CAST: variants seen among roughly 807,000 people sequenced by gnomAD.
The protein encoded by CAST is MIR583 host.
A neutral mutation model predicts 119.6 loss-of-function variants in CAST; 76 were observed. That is an observed-to-expected ratio of 0.64 (90% CI 0.53 to 0.77). The LOEUF (loss-of-function observed/expected upper bound fraction) is 0.77, where lower values mean the gene tolerates loss of function less well. Ranked by LOEUF, CAST falls within the 30% of genes least tolerant of loss-of-function variation. The pLI, the probability that CAST is intolerant of heterozygous loss-of-function variation, is 0.00. For missense variants in CAST, 953 were observed against 946.5 expected (o/e 1.01, Z -0.09); for synonymous variants, 319 against 331.6 (o/e 0.96, Z 0.41).
At chr5:96,400,320 T>G in the CAST span, 1 of 700,794 alleles carries the variant, frequency 1.4e-6, no homozygotes, top group South Asian at 1.6e-5. Context: ...TATTCTAGTG[T>G]CTATTACTGT....
Position 96,729,016 on chromosome 5 carries a change from G to T in CAST, c.379-137G>T, listed in dbSNP as rs570441836. On this transcript the variant is annotated intron_variant, in intron 6 of 31. Transcript: ENST00000675179. ...ATGTCTACTTCTGTGATCCTAAAGAGTGGGCCTGAGTGGGCCTAAGCGGGC... is the reference window on the plus strand; with the variant it reads ...ATGTCTACTTCTGTGATCCTAAAGATTGGGCCTGAGTGGGCCTAAGCGGGC... The T allele has an allele frequency of 4.2e-5, 26 of 613,036 alleles. No individual in the cohort carries two copies. The South Asian group carries it at 5.1e-4, about 12-fold the overall frequency. The allele number at this position is 613,036 out of a possible 1,614,324, so 38.0% of individuals were successfully genotyped here.
the CAST span, among the ~76,000 whole-genome samples, chr5:95,980,147 A>G: frequency 6.6e-6 from 1 of 152,168 alleles, no homozygotes; most frequent in Non-Finnish European, 1.5e-5. Context: ...ACAAACAGCA[A>G]AAAAATAAAA....
intron 1 of CAST, among the ~76,000 whole-genome samples, chr5:96,598,240 A>G (rs1747088228): frequency 6.6e-6 from 1 of 152,202 alleles, no homozygotes; most frequent in South Asian, 2.1e-4. Context: ...TGTCTTTGCC[A>G]TCAATTTCCT....
chr5:96,585,464 C>T (rs1746842640), intron 1 of CAST, among the ~76,000 whole-genome samples: 1 of 152,122 alleles, frequency 6.6e-6, no homozygotes, highest in Non-Finnish European at 1.5e-5. Context: ...TCCAACCTGC[C>T]CACCTCCTAC....
upstream of CAST, among the ~76,000 whole-genome samples, chr5:96,528,255 A>T (rs1003416190): frequency 1.3e-5 from 2 of 152,182 alleles, no homozygotes; most frequent in Non-Finnish European, 2.9e-5. Context: ...ATAATAAAGC[A>T]TTTTTAAGCT....
At chr5:96,335,634 C>A in the CAST span, among the ~76,000 whole-genome samples, 1 of 152,178 alleles carries the variant, frequency 6.6e-6, no homozygotes, top group African/African-American at 2.4e-5. Flanking sequence ...CTAGTTCAAT[C>A]TCCATCTCCA....
the CAST span, among the ~76,000 whole-genome samples, chr5:96,256,055 A>G: frequency 3.9e-5 from 6 of 151,978 alleles, no homozygotes; most frequent in Non-Finnish European, 7.4e-5. Context: ...TTTCCAGATC[A>G]TTAGCAAGCA....
chr5:96,714,203 A>T (rs533505775), intron 3 of CAST, among the ~76,000 whole-genome samples: 41 of 152,320 alleles, frequency 2.7e-4, no homozygotes, highest in Non-Finnish European at 5.0e-4. Flanking sequence ...AAATGAATTT[A>T]AAAACCTCAC....
At chr5:96,000,944 G>A in the CAST span, among the ~76,000 whole-genome samples, 2 of 152,130 alleles carry the variant, frequency 1.3e-5, no homozygotes, top group African/African-American at 4.8e-5. Flanking sequence ...TTAAGAAAAT[G>A]TCTCCCAGGT....
At chr5:96,318,945 G>A in the CAST span, 1 of 152,168 alleles carries the variant, frequency 6.6e-6, no homozygotes, top group African/African-American at 2.4e-5. Context: ...ATGAGGTAGT[G>A]TGTTAGTACA....
chr5:96,638,134 G>A (rs1747907255), intron 1 of CAST, among the ~76,000 whole-genome samples: 2 of 152,086 alleles, frequency 1.3e-5, no homozygotes, highest in African/African-American at 4.8e-5. Flanking sequence ...GGCCTGGTGT[G>A]GTGGCTCATG....
At chr5:96,481,254 CTG>C in the CAST span, among the ~76,000 whole-genome samples, 3 of 152,154 alleles carry the variant, frequency 2.0e-5, no homozygotes, top group African/African-American at 4.8e-5. Flanking sequence ...TGCATACTGA[CTG>C]TGAATCTACT....
chr5:96,371,974 T>C, the CAST span, among the ~76,000 whole-genome samples: 3 of 152,240 alleles, frequency 2.0e-5, no homozygotes, highest in Non-Finnish European at 2.9e-5. Context: ...TTCCTTCCAA[T>C]AATTTGCCCT....
the CAST span, among the ~76,000 whole-genome samples, chr5:96,428,096 C>T: frequency 6.6e-6 from 1 of 152,128 alleles, no homozygotes; most frequent in Non-Finnish European, 1.5e-5. Flanking sequence ...ACACTGGTGA[C>T]CCAGGCCATT....
chr5:96,494,642 C>T, the CAST span, among the ~76,000 whole-genome samples: 1 of 152,030 alleles, frequency 6.6e-6, no homozygotes, highest in South Asian at 2.1e-4. Flanking sequence ...CAAGGTGGCC[C>T]AATAGAAGAG....
chr5:96,483,902 A>G, the CAST span, among the ~76,000 whole-genome samples: 1 of 152,126 alleles, frequency 6.6e-6, no homozygotes, highest in African/African-American at 2.4e-5. Flanking sequence ...CCCTAATCCT[A>G]TGTTTCAAGT....
At chr5:96,328,643 C>T in the CAST span, among the ~76,000 whole-genome samples, 1 of 152,164 alleles carries the variant, frequency 6.6e-6, no homozygotes, top group South Asian at 2.1e-4. Context: ...GACCATCTGA[C>T]TTAAGACTTG....
the CAST span, among the ~76,000 whole-genome samples, chr5:96,477,794 G>A: frequency 4.1e-4 from 63 of 152,290 alleles, no homozygotes; most frequent in South Asian, 0.012. Context: ...TCTAAAAAGA[G>A]GATCAAGGGA....
At chr5:96,735,029 C>T (rs774717819) in intron 9 of CAST, among the ~76,000 whole-genome samples, 14 of 152,076 alleles carry the variant, frequency 9.2e-5, no homozygotes, top group Admixed American at 6.6e-5. Flanking sequence ...GAGTGAATAT[C>T]TGCATGAGGT....
Sources: allele counts gnomAD v4.1 joint callset (sites outside exome capture counted in the v4.1 genomes callset), GRCh38; gene constraint gnomAD v4.1.1; transcripts MANE v1.5; gene names NCBI Gene and HGNC (gene_info 2026-07-23, HGNC 2026-07-21).